Variants in CAPN8 observed in about 807,000 individuals in gnomAD.
CAPN8 encodes the protein calpain 8.
CAPN8 carries 87 observed loss-of-function variants against 80.9 expected under a neutral mutation model. That is an observed-to-expected ratio of 1.07 (90% confidence interval 0.90 to 1.28). The LOEUF is 1.28. Among genes scored for constraint, CAPN8 ranks in the 50% most tolerant of loss-of-function variants. The probability of loss-of-function intolerance (pLI) is 0.00; values close to 1 mark genes in which losing one functional copy is unlikely to be tolerated. For missense variants in CAPN8, 757 were observed against 702.0 expected, an observed-to-expected ratio of 1.08 and a Z score of -0.89; for synonymous variants, 299 against 273.8, an observed-to-expected ratio of 1.09 and a Z score of -0.91.
At chr1:223,557,724 G>T (rs1038198403) in intron 13 of CAPN8, among the ~76,000 whole-genome samples, 2 of 152,184 alleles carry the variant, frequency 1.3e-5, no homozygotes, top group African/African-American at 4.8e-5. Context: ...GGGTTTTCTG[G>T]TGTGTTCTTC....
chr1:223,654,745 G>A (rs1658433446), intron 1 of CAPN8, among the ~76,000 whole-genome samples: 3 of 151,822 alleles, frequency 2.0e-5, no homozygotes, highest in African/African-American at 4.8e-5. Flanking sequence ...GCATGATCTC[G>A]GCTCACTGCA....
chr1:223,627,355 T>C (rs1657620747), intron 4 of CAPN8, among the ~76,000 whole-genome samples, 198 bp from the exon 5 acceptor site: 1 of 152,138 alleles, frequency 6.6e-6, no homozygotes, highest in African/African-American at 2.4e-5. Context: ...GGAACTGACC[T>C]CAGCCAACCT....
intron 9 of CAPN8, among the ~76,000 whole-genome samples, chr1:223,619,008 G>A (rs899798196): frequency 3.6e-4 from 55 of 152,144 alleles, no homozygotes; most frequent in Non-Finnish European, 7.4e-4. Flanking sequence ...TGGGCAACAT[G>A]GTGAGACCCT....
At chr1:223,622,382 G>A (rs1332343359) in intron 7 of CAPN8, among the ~76,000 whole-genome samples, 2 of 152,182 alleles carry the variant, frequency 1.3e-5, no homozygotes, top group Non-Finnish European at 2.9e-5. Context: ...AGGGCCCGGG[G>A]CTCCTAGGGT....
chr1:223,619,549 C>T, intron 8 of CAPN8, 96 bp from the exon 9 acceptor site: 2 of 1,318,304 alleles, frequency 1.5e-6, no homozygotes, highest in South Asian at 1.4e-5. Context: ...GTGGCACAGG[C>T]CCTAGAGGCC....
chr1:223,635,471 A>G (rs536792049), intron 2 of CAPN8, among the ~76,000 whole-genome samples: 1 of 152,288 alleles, frequency 6.6e-6, no homozygotes, highest in African/African-American at 2.4e-5. Context: ...GACAATTCCC[A>G]TCTCTCTGGC....
chr1:223,661,188 A>G (rs1036905986), intron 1 of CAPN8, among the ~76,000 whole-genome samples: 4 of 151,816 alleles, frequency 2.6e-5, no homozygotes, highest in African/African-American at 9.7e-5. Flanking sequence ...AAAAAGGCAA[A>G]GAACTTGGAT....
intron 9 of CAPN8, among the ~76,000 whole-genome samples, chr1:223,618,780 C>T (rs1004482090): frequency 6.6e-6 from 1 of 152,204 alleles, no homozygotes; most frequent in Non-Finnish European, 1.5e-5. Context: ...TGCAGCTGAG[C>T]GGCTGCAGAG....
intron 2 of CAPN8, among the ~76,000 whole-genome samples, chr1:223,642,160 T>C (rs1301473962): frequency 6.6e-6 from 1 of 152,212 alleles, no homozygotes; most frequent in Non-Finnish European, 1.5e-5. Flanking sequence ...CCCCAGGTAC[T>C]GTGTTCTCAG....
chr1:223,645,329 A>C (rs1370418642), intron 2 of CAPN8, among the ~76,000 whole-genome samples: 3 of 152,076 alleles, frequency 2.0e-5, no homozygotes, highest in Non-Finnish European at 2.9e-5. Context: ...CAGCCCACTG[A>C]CTCAAATGTT....
Position 223,665,497 on chromosome 1 carries a change from C to A in CAPN8, c.150G>T (p.Glu50Asp). The change falls in exon 1 of 21, where the codon GAG becomes GAT. Residue 50 changes from glutamate (E) to aspartate (D), a missense_variant. Coordinates refer to ENST00000366872, the MANE Select transcript of CAPN8 (RefSeq NM_001143962.2). ...CCAAAGCTGATGGACATGCTGGGAACTCAGGGTCCTTAAATAGGACCCCTG... is the reference window on the plus strand; with the variant it reads ...CCAAAGCTGATGGACATGCTGGGAAATCAGGGTCCTTAAATAGGACCCCTG... ...LDSGVLFKDP[E>D]FPACPSALGY... The A allele has an allele frequency of 6.4e-7, 1 of 1,551,880 alleles. No homozygotes were observed. Among genetic ancestry groups the A allele is most frequent in the South Asian group, 1.2e-5 (1 of 84,056 alleles).
chr1:223,628,658 G>C lies in CAPN8; in HGVS notation c.426+4C>G, dbSNP rs905186378. The C allele has an allele frequency of 1.9e-6, 3 of 1,546,806 alleles. No individual in the cohort carries two copies. In the South Asian group the frequency reaches 3.6e-5, roughly 18 times the overall value. On this transcript the variant is annotated splice_donor_region_variant and intron_variant, in intron 3 of 20. Coordinates refer to ENST00000366872, the MANE Select transcript of CAPN8 (RefSeq NM_001143962.2). ...CAACAAAGGGCCAGAGCAGAGCACAGTACCTGAAAGTGAAAGATTCCCGCA... is the reference window on the plus strand; with the variant it reads ...CAACAAAGGGCCAGAGCAGAGCACACTACCTGAAAGTGAAAGATTCCCGCA...
At chr1:223,556,015 C>T (rs936598733) in intron 13 of CAPN8, among the ~76,000 whole-genome samples, 1 of 152,204 alleles carries the variant, frequency 6.6e-6, no homozygotes, top group Non-Finnish European at 1.5e-5. Context: ...GGTATGGCAG[C>T]ATGGCAAACG....
At chr1:223,646,982 G>A (rs1382517825) in intron 2 of CAPN8, among the ~76,000 whole-genome samples, 1 of 152,206 alleles carries the variant, frequency 6.6e-6, no homozygotes, top group Non-Finnish European at 1.5e-5. Context: ...CCAAGCGGGA[G>A]CTCAGAGAGC....
At chr1:223,558,272 G>A (rs938559113) in intron 12 of CAPN8, 105 bp from the exon 13 acceptor site, 17 of 396,092 alleles carry the variant, frequency 4.3e-5, no homozygotes, top group East Asian at 1.8e-4. Flanking sequence ...GATTGGGCTC[G>A]CACCCCAGAC....
At chr1:223,652,849 G>A (rs1406885984) in intron 2 of CAPN8, among the ~76,000 whole-genome samples, 1 of 152,092 alleles carries the variant, frequency 6.6e-6, no homozygotes, top group East Asian at 1.9e-4. Flanking sequence ...CGGAGAGCTG[G>A]TTGGGTTCAT....
At chr1:223,611,793 G>A (rs1291405261) in intron 11 of CAPN8, among the ~76,000 whole-genome samples, 1 of 152,222 alleles carries the variant, frequency 6.6e-6, no homozygotes. Context: ...TTGGATCAAG[G>A]CATACACTAG....
intron 20 of CAPN8, 112 bp from the exon 21 acceptor site, chr1:223,541,971 G>A (rs1324277195): frequency 2.5e-5 from 38 of 1,500,492 alleles, no homozygotes; most frequent in Non-Finnish European, 3.4e-5. Context: ...CCATTCTCCA[G>A]TAAGTGCCTT....
At chr1:223,626,924 C>A in intron 5 of CAPN8, 65 bp downstream of exon 5, 1 of 1,507,924 alleles carries the variant, frequency 6.6e-7, no homozygotes, top group East Asian at 2.5e-5. Context: ...TGTCTCATCC[C>A]TTCCCTACCA....
Sources: allele counts gnomAD v4.1 joint callset (sites outside exome capture counted in the v4.1 genomes callset), GRCh38; gene constraint gnomAD v4.1.1; transcripts MANE v1.5; gene names NCBI Gene and HGNC (gene_info 2026-07-23, HGNC 2026-07-21).